The following PTPRU variants were observed in gnomAD, a reference collection of about 807,000 sequenced individuals.
PTPRU encodes receptor-type tyrosine-protein phosphatase U.
In PTPRU, 69 loss-of-function variants were observed where a neutral mutation model predicts 166.3. The ratio of observed to expected loss-of-function variants is 0.41; its 90% CI spans 0.34 to 0.51. PTPRU has a LOEUF of 0.51. Ranked by LOEUF, PTPRU falls within the 20% of genes least tolerant of loss-of-function variation. The pLI is 0.09. For synonymous variants in PTPRU, 793 were observed against 814.0 expected, an observed-to-expected ratio of 0.97 and a Z score of 0.44; for missense variants, 1,657 against 2,013.7, an observed-to-expected ratio of 0.82 and a Z score of 3.39.
intron 7 of PTPRU, among the ~76,000 whole-genome samples, chr1:29,272,906 C>CAAAAAAAAAAAAAAAAAAAAAAAAAA (rs57076551): frequency 1.8e-5 from 1 of 54,666 alleles, no homozygotes. Context: ...GACCTTGTCT[C>CAAAAAAAAAAAAAAAAAAAAAAAAAA]AAAAAAAAAA....
Position 29,326,069 on chromosome 1 carries a change from A to T in PTPRU, c.*408A>T. 2.5e-6 allele frequency: 1 copy of T among 402,196 alleles called. No homozygotes were observed. The highest frequency in any genetic ancestry group is 4.4e-6 in the Non-Finnish European group (1 of 229,054). 24.9% of individuals were successfully genotyped at this position (402,196 alleles called of 1,614,324 possible). A position where few individuals can be genotyped will look rare whatever the true frequency, so the allele number is the denominator to read the frequency against. On this transcript the variant is annotated 3_prime_UTR_variant, in exon 30 of 30. Coordinates refer to ENST00000373779, the MANE Select transcript of PTPRU (RefSeq NM_133178.4). ...GCATCCCAGGCCAAGGTTCCCACTC[A>T]GCCTGCCCCCTCTGCATGTGGGTAG...
At chr1:29,316,432 C>T (rs1349283845) in intron 24 of PTPRU, among the ~76,000 whole-genome samples, 1 of 152,210 alleles carries the variant, frequency 6.6e-6, no homozygotes, top group Non-Finnish European at 1.5e-5. Flanking sequence ...GTTCCCTTTA[C>T]CTCTCTGAGC....
chr1:29,306,092 A>G (rs1687378018), intron 18 of PTPRU, among the ~76,000 whole-genome samples: 1 of 152,166 alleles, frequency 6.6e-6, no homozygotes, highest in East Asian at 1.9e-4. Flanking sequence ...AAGGACGCAA[A>G]TCTCAGCCTG....
In PTPRU at chr1:29,260,934, C is replaced by G; in HGVS notation, c.1144+31C>G. On this transcript the variant is annotated intron_variant, in intron 7 of 29. Transcript: ENST00000373779. The surrounding 1 kb of genome is among the most constrained non-coding windows in gnomAD (Gnocchi z 8.3). ...TGCAGCAGCTACCCCTGGCCTCAGT[C>G]TCTGGTGGGCCCAGGGCTATGGAGG... The G allele has an allele frequency of 1.3e-6, 2 of 1,502,570 alleles. No individual in the cohort carries two copies. The highest frequency in any genetic ancestry group is 8.8e-7 in the Non-Finnish European group (1 of 1,131,146). The allele number at this position is 1,502,570 out of a possible 1,614,324, so 93.1% of individuals were successfully genotyped here.
In PTPRU at chr1:29,245,137, C is replaced by T. The variant is rs1286420216; in HGVS notation, c.73+8420C>T. On this transcript the variant is annotated intron_variant, in intron 1 of 29. Coordinates refer to ENST00000373779, the MANE Select transcript of PTPRU (RefSeq NM_133178.4). ...CCTGGGCTGGGGGCCAGGGGCTGTA[C>T]TTTAATTGTCTGAGAGCTTTACCAG... 2.0e-5 allele frequency among the ~76,000 whole-genome samples: 3 copies of T among 152,306 alleles called. No homozygotes were observed. In the East Asian group the frequency reaches 5.8e-4, roughly 29 times the overall value.
chr1:29,304,724 C>A, intron 16 of PTPRU, 50 bp from the exon 17 acceptor site: 1 of 1,466,342 alleles, frequency 6.8e-7, no homozygotes, highest in Non-Finnish European at 9.4e-7. Context: ...GGAAGGGGCC[C>A]TCAGTGAGGG....
intron 15 of PTPRU, among the ~76,000 whole-genome samples, chr1:29,302,801 G>T (rs533427363): frequency 1.3e-5 from 2 of 151,972 alleles, no homozygotes; most frequent in Non-Finnish European, 2.9e-5. Context: ...CACCCACCTC[G>T]GCCTCCCAAA....
rs999617593 is a variant in PTPRU, at chr1:29,279,230, T to C, written c.1563+109T>C. On this transcript the variant is annotated intron_variant, in intron 9 of 29. Transcript: ENST00000373779. This position sits in a 1 kb window ranked among gnomAD's most constrained non-coding sequence, Gnocchi z 5.2. ...GTGCATGGGAGGACAGATGTGATTG[T>C]CATAGTTTCTTCAACTATGGCCAGG... The C allele has an allele frequency of 1.2e-5, 13 of 1,094,284 alleles. No homozygotes were observed. The African/African-American group carries it at 2.0e-4, about 17-fold the overall frequency. The allele number at this position is 1,094,284 out of a possible 1,614,324, so 67.8% of individuals were successfully genotyped here.
At chr1:29,300,858 G>C (rs933516242) in intron 15 of PTPRU, among the ~76,000 whole-genome samples, 4 of 152,186 alleles carry the variant, frequency 2.6e-5, no homozygotes, top group Non-Finnish European at 5.9e-5. Flanking sequence ...GCTCATCAGG[G>C]GGTCTCCTGG....
At position 29,259,640 on chromosome 1, in the gene PTPRU, C is replaced by G. The variant is rs980770000; in HGVS notation, c.675+76C>G. On this transcript the variant is annotated intron_variant, in intron 5 of 29. Transcript: ENST00000373779. ...GGCTGCTTCTGGCCCTGACTCCCCC[C>G]AGATTGCTGAGTCCCTGCTTCATAC... The G allele has an allele frequency of 1.6e-5, 22 of 1,399,954 alleles. No individual in the cohort carries two copies. In the African/African-American group the frequency reaches 2.3e-4, roughly 14 times the overall value. 86.7% of individuals were successfully genotyped at this position (1,399,954 alleles called of 1,614,324 possible). A position where few individuals can be genotyped will look rare whatever the true frequency, so the allele number is the denominator to read the frequency against.
At position 29,260,975 on chromosome 1, in the gene PTPRU, T is replaced by C. The variant is rs758547029; in HGVS notation, c.1144+72T>C. ...GCTATGGAGGGGCGCATTCGAGAGG[T>C]AGCGTGGCCTGTGCTTGTAAACCTT... On this transcript the variant is annotated intron_variant, in intron 7 of 29. Transcript: ENST00000373779. The surrounding 1 kb of genome is among the most constrained non-coding windows in gnomAD (Gnocchi z 8.3). 348 of 1,428,872 alleles carry C rather than the reference T, an allele frequency of 2.4e-4. 1 individual carries two copies. The highest frequency in any genetic ancestry group is 2.9e-4 in the Non-Finnish European group (312 of 1,090,774). The allele number at this position is 1,428,872 out of a possible 1,614,324, so 88.5% of individuals were successfully genotyped here.
In PTPRU at chr1:29,311,212, T is replaced by G. The variant is rs980762885; in HGVS notation, c.2858-244T>G. On this transcript the variant is annotated intron_variant, in intron 19 of 29. Transcript: ENST00000373779. The surrounding 1 kb of genome is among the most constrained non-coding windows in gnomAD (Gnocchi z 4.1). ...CTCATGCCATTGCCCAACCATCTGG[T>G]CCTCCTCCAGGGTCCCATTCAGGAT... 2 of 591,332 alleles carry G rather than the reference T, an allele frequency of 3.4e-6. No individual in the cohort carries two copies. Among genetic ancestry groups the G allele is most frequent in the Non-Finnish European group, 6.0e-6 (2 of 331,586 alleles). 36.6% of individuals were successfully genotyped at this position (591,332 alleles called of 1,614,324 possible). A position where few individuals can be genotyped will look rare whatever the true frequency, so the allele number is the denominator to read the frequency against.
At chr1:29,252,815 T>G (rs972299960) in intron 1 of PTPRU, among the ~76,000 whole-genome samples, 3 of 152,222 alleles carry the variant, frequency 2.0e-5, no homozygotes, top group African/African-American at 7.2e-5. Flanking sequence ...GAGGCCTCTG[T>G]GACCAAATGT....
At chr1:29,251,816 G>T (rs1684555068) in intron 1 of PTPRU, among the ~76,000 whole-genome samples, 1 of 152,296 alleles carries the variant, frequency 6.6e-6, no homozygotes, top group Middle Eastern at 3.4e-3. Context: ...TAGATCCTGG[G>T]CTTCCCTTTC....
chr1:29,264,173 C>CAAAA (rs145542565), intron 7 of PTPRU, among the ~76,000 whole-genome samples: 1 of 146,050 alleles, frequency 6.8e-6, no homozygotes. Flanking sequence ...GATTCTGTCT[C>CAAAA]AAAAAAAAAA....
chr1:29,302,900 A>G (rs777270172), intron 15 of PTPRU, among the ~76,000 whole-genome samples: 3 of 152,176 alleles, frequency 2.0e-5, no homozygotes, highest in Non-Finnish European at 4.4e-5. Context: ...ATGTTAAGAT[A>G]CATAAATACT....
chr1:29,291,782 C>G lies in PTPRU; in HGVS notation c.2319-87C>G, dbSNP rs1234288801. 1 of 1,416,298 alleles carries G rather than the reference C, an allele frequency of 7.1e-7. No individual in the cohort carries two copies. Among genetic ancestry groups the G allele is most frequent in the African/African-American group, 1.4e-5 (1 of 70,478 alleles). The allele number at this position is 1,416,298 out of a possible 1,614,324, so 87.7% of individuals were successfully genotyped here. On this transcript the variant is annotated intron_variant, in intron 14 of 29. Transcript: ENST00000373779. The surrounding 1 kb of genome is among the most constrained non-coding windows in gnomAD (Gnocchi z 4.1). ...AGCTGCTGGCTCCTGGCCTTGAGGTCCCCTTACTCCAGGGCCTCCCCAGCC... is the reference window on the plus strand; with the variant it reads ...AGCTGCTGGCTCCTGGCCTTGAGGTGCCCTTACTCCAGGGCCTCCCCAGCC...
At position 29,255,502 on chromosome 1, in the gene PTPRU, C is replaced by T. The variant is rs1684740455; in HGVS notation, c.205+96C>T. 4.6e-6 allele frequency: 7 copies of T among 1,509,940 alleles called. No homozygotes were observed. The East Asian group carries it at 6.9e-5, about 15-fold the overall frequency. The allele number at this position is 1,509,940 out of a possible 1,614,324, so 93.5% of individuals were successfully genotyped here. A position where few individuals can be genotyped will look rare whatever the true frequency, so the allele number is the denominator to read the frequency against. ...ACCTTGGGCACATTACTTAACCTCT[C>T]TGGGCCCCATCTACATTTGCATCTT... is the stretch of plus-strand genomic sequence containing the variant. On this transcript the variant is annotated intron_variant, in intron 2 of 29. Coordinates refer to ENST00000373779, the MANE Select transcript of PTPRU (RefSeq NM_133178.4).
Position 29,260,141 on chromosome 1 carries a change from G to GGGGGC in PTPRU, c.850+97_850+98insGGGGC. The GGGGGC allele has an allele frequency of 8.4e-7, 1 of 1,196,746 alleles. No individual in the cohort carries two copies. The highest frequency in any genetic ancestry group is 1.1e-6 in the Non-Finnish European group (1 of 928,222). The allele number at this position is 1,196,746 out of a possible 1,614,324, so 74.1% of individuals were successfully genotyped here. A position where few individuals can be genotyped will look rare whatever the true frequency, so the allele number is the denominator to read the frequency against. ...CTGCCCGGGGGCGTGGCCGTGGGGG[G>GGGGGC]TGGGGCCGGCAGGGTGTCGCTGGGG... On this transcript the variant is annotated intron_variant, in intron 6 of 29. Coordinates refer to ENST00000373779, the MANE Select transcript of PTPRU (RefSeq NM_133178.4). The surrounding 1 kb of genome is among the most constrained non-coding windows in gnomAD (Gnocchi z 8.3).
Sources: gnomAD v4.1 joint callset for allele counts (sites outside exome capture counted in the v4.1 genomes callset) on GRCh38, gnomAD v4.1.1 for gene constraint, Gnocchi (gnomAD v3.1) non-coding constraint, MANE v1.5 for transcripts, NCBI Gene and HGNC (gene_info 2026-07-23, HGNC 2026-07-21) for gene names.